LAMA5: variants seen among roughly 807,000 people sequenced by gnomAD.
The protein encoded by LAMA5 is laminin subunit alpha-5.
In LAMA5, 260 loss-of-function variants were observed where a neutral mutation model predicts 433.4. The observed-to-expected ratio is 0.60, with a 90% CI of 0.54 to 0.66. The LOEUF (loss-of-function observed/expected upper bound fraction) is 0.66, where lower values mean the gene tolerates loss of function less well. LAMA5 is among the 30% of genes least tolerant of loss of function. LAMA5 has a pLI of 0.00. For missense variants in LAMA5, 5,378 were observed against 5,258.5 expected, an observed-to-expected ratio of 1.02 and a Z score of -0.70; for synonymous variants, 2,620 against 2,226.6, an observed-to-expected ratio of 1.18 and a Z score of -4.97.
rs117929454 is a variant in LAMA5 at position 62,314,198 on chromosome 20, G to A, written c.8504+106C>T. 4,568 of 1,377,560 alleles carry A rather than the reference G, an allele frequency of 3.3e-3. 98 individuals carry two copies. The East Asian group carries it at 0.039, about 12-fold the overall frequency. The allele number at this position is 1,377,560 out of a possible 1,614,324, so 85.3% of individuals were successfully genotyped here. Reference sequence around the variant, plus strand: ...CGGAGAGGCGAGGGGTGGCGAGTGGGCATGGAGAGGTGAAGGGTGGTGGGT... The same window carrying A: ...CGGAGAGGCGAGGGGTGGCGAGTGGACATGGAGAGGTGAAGGGTGGTGGGT... On this transcript the variant is annotated intron_variant, in intron 62 of 79. Coordinates refer to ENST00000252999, the MANE Select transcript of LAMA5 (RefSeq NM_005560.6).
intron 58 of LAMA5, 69 bp from the exon 59 acceptor site, chr20:62,315,276 T>C: frequency 7.2e-7 from 1 of 1,382,160 alleles, no homozygotes; most frequent in East Asian, 2.4e-5. Context: ...TCCCCAAGTC[T>C]TTCTGTTGGG....
chr20:62,333,343 C>T, intron 25 of LAMA5, 32 bp downstream of exon 25: 1 of 1,601,234 alleles, frequency 6.2e-7, no homozygotes, highest in Non-Finnish European at 8.5e-7. Context: ...AGGAAGCCCC[C>T]ACCCCGGTCC....
Position 62,310,318 on chromosome 20 carries a change from G to A in LAMA5, c.10601-7C>T. ...AGTGTAGCTCCTGGGAGGTCTGCGG[G>A]GAGGGGTTGTGATGGAGAAGAAAGG... On this transcript the variant is annotated splice_polypyrimidine_tract_variant and splice_region_variant and intron_variant, in intron 76 of 79. Transcript: ENST00000252999. 10 of 1,595,382 alleles carry A rather than the reference G, an allele frequency of 6.3e-6. No homozygotes were observed. Among genetic ancestry groups the A allele is most frequent in the Non-Finnish European group, 8.6e-6 (10 of 1,169,398 alleles).
rs1465928058 is a variant in LAMA5, at chr20:62,319,022, C to T, written c.6872-9G>A. On this transcript the variant is annotated splice_polypyrimidine_tract_variant and intron_variant, in intron 51 of 79. Coordinates refer to ENST00000252999, the MANE Select transcript of LAMA5 (RefSeq NM_005560.6). ...CGTCTGGGACATGAGCTCTGTGGGG[C>T]AGGGGTTCGTCAGAGCCTGGGGCCG... The T allele has an allele frequency of 1.3e-6, 2 of 1,558,014 alleles. No homozygotes were observed. The highest frequency in any genetic ancestry group is 2.3e-5 in the East Asian group (1 of 43,476).
intron 55 of LAMA5, 91 bp downstream of exon 55, chr20:62,317,254 C>T: frequency 3.6e-6 from 5 of 1,371,676 alleles, no homozygotes; most frequent in Non-Finnish European, 4.8e-6. Context: ...GGCCTCAGCC[C>T]CTAGGAGCCT....
At position 62,311,019 on chromosome 20, in the gene LAMA5, GC is replaced by G; in HGVS notation, c.10163del (p.Gly3388AlafsTer9). 6.2e-7 allele frequency: 1 copy of G among 1,609,908 alleles called. No homozygotes were observed. Among genetic ancestry groups the G allele is most frequent in the Non-Finnish European group, 8.5e-7 (1 of 1,178,564 alleles). On this transcript the variant is annotated frameshift_variant, in exon 74 of 80. Transcript: ENST00000252999. LOFTEE classifies it high-confidence loss of function. Reference sequence around the variant, plus strand: ...TCAGGAAGAGCGCCAGGGAGGGGCTGCCGGGCCTCAGACGGGCAGTGAAGAG... The same window carrying G: ...TCAGGAAGAGCGCCAGGGAGGGGCTGCGGGCCTCAGACGGGCAGTGAAGAG... Reference protein sequence around the residue: ...LLLFTARLRPGSPSLALFLSN... With the variant: ...LLLFTARLRPXSPSLALFLSN...
At position 62,345,999 on chromosome 20, in the gene LAMA5, G is replaced by A. The variant is rs878932815; in HGVS notation, c.1417+82C>T. The stretch of plus-strand genomic sequence containing the variant: ...CAGGCAGGATAACATGGTCCATCCC[G>A]GGGAACCCCTCCACCCCCTGCAGGG... On this transcript the variant is annotated intron_variant, in intron 10 of 79. Coordinates refer to ENST00000252999, the MANE Select transcript of LAMA5 (RefSeq NM_005560.6). 42 of 1,590,194 alleles carry A rather than the reference G, an allele frequency of 2.6e-5. No homozygotes were observed. In the East Asian group the frequency reaches 4.7e-4, roughly 18 times the overall value.
chr20:62,313,617 C>CTCCCAGGCTG (rs781097840), intron 63 of LAMA5, 32 bp downstream of exon 63: 7 of 1,610,420 alleles, frequency 4.3e-6, no homozygotes, highest in Non-Finnish European at 5.9e-6. Flanking sequence ...TGCGGAGCCC[C>CTCCCAGGCTG]TCCCAGGCTG....
intron 6 of LAMA5, chr20:62,350,990 T>C (rs1221578093): frequency 6.5e-6 from 1 of 152,864 alleles, no homozygotes; most frequent in East Asian, 1.9e-4. Flanking sequence ...GGCCCTACCT[T>C]ACTGAGGACT....
intron 6 of LAMA5, among the ~76,000 whole-genome samples, chr20:62,348,231 C>T (rs1197476169): frequency 2.0e-5 from 3 of 152,028 alleles, no homozygotes; most frequent in African/African-American, 4.8e-5. Context: ...GGCAGGTCAG[C>T]AGAAAGAGCC....
intron 1 of LAMA5, among the ~76,000 whole-genome samples, chr20:62,364,802 C>T (rs1388865161): frequency 1.3e-5 from 2 of 152,250 alleles, no homozygotes; most frequent in Non-Finnish European, 2.9e-5. Context: ...AGCTAATGTG[C>T]ATCTCCTACA....
At chr20:62,316,578 A>C in intron 57 of LAMA5, 93 bp downstream of exon 57, 4 of 974,620 alleles carry the variant, frequency 4.1e-6, no homozygotes, top group Non-Finnish European at 5.9e-6. Context: ...GTGACCCACA[A>C]ACCCCACGTG....
At chr20:62,326,169 G>A (rs1228808095) in intron 40 of LAMA5, among the ~76,000 whole-genome samples, 3 of 151,716 alleles carry the variant, frequency 2.0e-5, no homozygotes, top group African/African-American at 4.8e-5. Context: ...GCAGTAAGCC[G>A]AGATTGCACC....
Position 62,314,850 on chromosome 20 carries a change from G to A in LAMA5, c.8145C>T (p.Ser2715=), listed in dbSNP as rs1314804719. Residue 2715 remains serine, a synonymous_variant, in exon 60 of 80, where the codon AGC becomes AGT. Coordinates refer to ENST00000252999, the MANE Select transcript of LAMA5 (RefSeq NM_005560.6). ...VHNASLALSA[S]IGRVRELIAQ... ...CAATGAGCTCTCGCACGCGGCCAAT[G>A]CTGGCGGACAGGGCCAGGCTGGCGT... 3 of 1,612,620 alleles carry A rather than the reference G, an allele frequency of 1.9e-6. No individual in the cohort carries two copies. The highest frequency in any genetic ancestry group is 1.7e-6 in the Non-Finnish European group (2 of 1,179,924).
intron 18 of LAMA5, among the ~76,000 whole-genome samples, chr20:62,336,022 C>T (rs1209476095): frequency 1.3e-5 from 2 of 148,286 alleles, no homozygotes; most frequent in Admixed American, 6.7e-5. Context: ...GCAGCCCCTC[C>T]GAGGAACCCC....
At position 62,324,760 on chromosome 20, in the gene LAMA5, G is replaced by A; in HGVS notation, c.5530-206C>T. 1 of 574,342 alleles carries A rather than the reference G, an allele frequency of 1.7e-6. No homozygotes were observed. The highest frequency in any genetic ancestry group is 3.1e-6 in the Non-Finnish European group (1 of 318,804). 35.6% of individuals were successfully genotyped at this position (574,342 alleles called of 1,614,324 possible). A position where few individuals can be genotyped will look rare whatever the true frequency, so the allele number is the denominator to read the frequency against. On this transcript the variant is annotated intron_variant, in intron 41 of 79. Coordinates refer to ENST00000252999, the MANE Select transcript of LAMA5 (RefSeq NM_005560.6). This position sits in a 1 kb window ranked among gnomAD's most constrained non-coding sequence, Gnocchi z 4.4. The stretch of plus-strand genomic sequence containing the variant: ...GGCCAGCACCTGGCTGCTGTTTGAG[G>A]ACATAGCTCTCAAAGCCACACGGAT...
At position 62,310,755 on chromosome 20, in the gene LAMA5, C is replaced by T. The variant is rs199582288; in HGVS notation, c.10356G>A (p.Pro3452=). Residue 3452 remains proline (P), a synonymous_variant, in exon 75 of 80, where the codon CCG becomes CCA. Transcript: ENST00000252999. ...GCTCTGCCCCCTGGTGCTGCCGGTG[C>T]GGCCCCTCCTGGCTCCAGGCCCGGG... The part of the protein sequence containing the change: ...DGARAWSQEG[P]HRQHQGAEHP... 9.6e-6 allele frequency: 15 copies of T among 1,568,272 alleles called. No individual in the cohort carries two copies. Among genetic ancestry groups the T allele is most frequent in the Middle Eastern group, 1.7e-4 (1 of 5,858 alleles).
In LAMA5 at chr20:62,318,329, C is replaced by T. The variant is rs1278885691; in HGVS notation, c.7239+125G>A. 48 of 286,486 alleles carry T rather than the reference C, an allele frequency of 1.7e-4. 2 individuals are homozygous for T. Among genetic ancestry groups the T allele is most frequent in the East Asian group, 1.1e-3 (25 of 23,102 alleles). 17.7% of individuals were successfully genotyped at this position (286,486 alleles called of 1,614,324 possible). On this transcript the variant is annotated intron_variant, in intron 53 of 79. Transcript: ENST00000252999. Reference sequence around the variant, plus strand: ...GAAGAAGAGGAGGAGGGGGGGAGGACGAGGGAGGGGAGGACGGAGGGAGGG... The same window carrying T: ...GAAGAAGAGGAGGAGGGGGGGAGGATGAGGGAGGGGAGGACGGAGGGAGGG...
rs998975675 is a variant in LAMA5 at position 62,310,674 on chromosome 20, G to A, written c.10437C>T (p.Ser3479=). The change falls in exon 75 of 80, where the codon TCC becomes TCT. Residue 3479 remains serine, a synonymous_variant. Transcript: ENST00000252999. The part of the protein sequence containing the change: ...VGGLPASSHS[S]KLPVTVGFSG... The stretch of plus-strand genomic sequence containing the variant: ...GCAAGATGGTTCTCACCGGAAGTTT[G>A]GAGCTGTGGCTGCTGGCCGGGAGGC... The A allele has an allele frequency of 8.1e-6, 13 of 1,603,358 alleles. No individual in the cohort carries two copies. The highest frequency in any genetic ancestry group is 1.0e-5 in the Non-Finnish European group (12 of 1,178,496).
Sources: allele counts gnomAD v4.1 joint callset (sites outside exome capture counted in the v4.1 genomes callset), GRCh38; gene constraint gnomAD v4.1.1; non-coding constraint Gnocchi (gnomAD v3.1); transcripts MANE v1.5; gene names NCBI Gene and HGNC (gene_info 2026-07-23, HGNC 2026-07-21).